The following HS6ST3 variants were observed in gnomAD, a reference collection of about 807,000 sequenced individuals.
HS6ST3 encodes the protein heparan-sulfate 6-O-sulfotransferase 3.
HS6ST3 carries 12 observed loss-of-function variants against 36.7 expected under a neutral mutation model. The observed-to-expected ratio is 0.33, with a 90% CI of 0.21 to 0.53. The LOEUF (loss-of-function observed/expected upper bound fraction) is 0.53, where lower values mean the gene tolerates loss of function less well. HS6ST3 is among the 20% of genes least tolerant of loss of function. The pLI, the probability that HS6ST3 is intolerant of heterozygous loss-of-function variation, is 0.95. For synonymous variants in HS6ST3, 240 were observed against 257.5 expected, an observed-to-expected ratio of 0.93 and a Z score of 0.65; for missense variants, 584 against 640.9, an observed-to-expected ratio of 0.91 and a Z score of 0.96.
intron 1 of HS6ST3, among the ~76,000 whole-genome samples, chr13:96,160,464 T>G (rs1389759152): frequency 6.6e-6 from 1 of 152,210 alleles, no homozygotes; most frequent in African/African-American, 2.4e-5. Flanking sequence ...GGTTATTTCC[T>G]TTAGGTAAAG....
At chr13:96,535,105 G>A (rs1029267284) in intron 1 of HS6ST3, among the ~76,000 whole-genome samples, 1 of 152,174 alleles carries the variant, frequency 6.6e-6, no homozygotes, top group East Asian at 1.9e-4. Context: ...TGTAGGCAGA[G>A]AGTCCTGAAT....
At chr13:96,225,191 C>A (rs1008002830) in intron 1 of HS6ST3, among the ~76,000 whole-genome samples, 2 of 152,170 alleles carry the variant, frequency 1.3e-5, no homozygotes, top group Non-Finnish European at 2.9e-5. Flanking sequence ...TATGCGAAGT[C>A]ATTTGAGAAG....
intron 1 of HS6ST3, among the ~76,000 whole-genome samples, chr13:96,829,079 C>A (rs1878711370): frequency 6.6e-6 from 1 of 152,086 alleles, no homozygotes; most frequent in South Asian, 2.1e-4. Context: ...CTCTTAGTTC[C>A]CAGAAACACT....
At chr13:96,559,016 A>G (rs2056251530) in intron 1 of HS6ST3, among the ~76,000 whole-genome samples, 1 of 152,140 alleles carries the variant, frequency 6.6e-6, no homozygotes, top group Non-Finnish European at 1.5e-5. Context: ...AAGCTCTGCT[A>G]GCATCAAACT....
At chr13:96,804,484 G>A (rs1219055175) in intron 1 of HS6ST3, among the ~76,000 whole-genome samples, 5 of 152,216 alleles carry the variant, frequency 3.3e-5, no homozygotes, top group South Asian at 2.1e-4. Flanking sequence ...TTTCTTACCC[G>A]ACAGATTAAT....
chr13:96,566,476 A>T (rs1192369893), intron 1 of HS6ST3, among the ~76,000 whole-genome samples: 1 of 152,152 alleles, frequency 6.6e-6, no homozygotes. Context: ...CATGACTCAA[A>T]TATTTGACTC....
In HS6ST3 at chr13:96,636,515, G is replaced by A. The variant is rs115304577; in HGVS notation, c.708-195975G>A. Among the ~76,000 whole-genome samples, 541 of 152,154 alleles carry A rather than the reference G, an allele frequency of 3.6e-3. 3 individuals are homozygous for A. Among genetic ancestry groups the A allele is most frequent in the African/African-American group, 0.013 (527 of 41,528 alleles). On this transcript the variant is annotated intron_variant, in intron 1 of 1. Transcript: ENST00000376705. ...AAGAGCAGCATGCCATTGGAGGTAG[G>A]GTCTGGGCAAATCAACTGATTTCTC...
intron 1 of HS6ST3, among the ~76,000 whole-genome samples, chr13:96,110,715 C>T (rs1017042494): frequency 3.3e-5 from 5 of 152,232 alleles, no homozygotes; most frequent in East Asian, 3.9e-4. Context: ...TGAGCCACCA[C>T]GCCTGGCCGG....
At chr13:96,572,116 C>G (rs1482577614) in intron 1 of HS6ST3, among the ~76,000 whole-genome samples, 1 of 152,130 alleles carries the variant, frequency 6.6e-6, no homozygotes, top group Non-Finnish European at 1.5e-5. Flanking sequence ...GTTCTAGGCT[C>G]GATAATTTAA....
At chr13:96,141,724 T>C (rs1246876120) in intron 1 of HS6ST3, among the ~76,000 whole-genome samples, 1 of 152,120 alleles carries the variant, frequency 6.6e-6, no homozygotes, top group African/African-American at 2.4e-5. Context: ...ATCGACTTGC[T>C]CCCATACTCA....
intron 1 of HS6ST3, among the ~76,000 whole-genome samples, chr13:96,758,905 C>T (rs767615471): frequency 6.6e-6 from 1 of 151,768 alleles, no homozygotes; most frequent in Non-Finnish European, 1.5e-5. Flanking sequence ...TAATCAATTA[C>T]TGAGAAAAAT....
At chr13:96,689,555 C>T (rs1308602170) in intron 1 of HS6ST3, among the ~76,000 whole-genome samples, 1 of 148,542 alleles carries the variant, frequency 6.7e-6, no homozygotes, top group African/African-American at 2.5e-5. Flanking sequence ...TAATTGGTTG[C>T]TTAGTCGTCA....
chr13:96,264,524 G>A (rs2054681938), intron 1 of HS6ST3, among the ~76,000 whole-genome samples: 1 of 152,148 alleles, frequency 6.6e-6, no homozygotes, highest in South Asian at 2.1e-4. Context: ...TGTATTTCTG[G>A]TACTACCAAA....
intron 1 of HS6ST3, among the ~76,000 whole-genome samples, chr13:96,374,406 A>G (rs1336935512): frequency 1.3e-5 from 2 of 152,116 alleles, no homozygotes; most frequent in African/African-American, 4.8e-5. Context: ...ACTTATGGTT[A>G]TCTTGGCTTG....
intron 1 of HS6ST3, among the ~76,000 whole-genome samples, chr13:96,709,989 C>T (rs77775674): frequency 0.014 from 2,115 of 152,254 alleles, 45 homozygotes; most frequent in African/African-American, 0.048. Context: ...GTGGCAGAGC[C>T]GTATTTGAAT....
At chr13:96,693,400 G>C (rs540832126) in intron 1 of HS6ST3, among the ~76,000 whole-genome samples, 1 of 152,140 alleles carries the variant, frequency 6.6e-6, no homozygotes, top group Non-Finnish European at 1.5e-5. Flanking sequence ...CACCTCCCGG[G>C]TTCAAGGAAT....
At chr13:96,211,425 G>A (rs991358684) in intron 1 of HS6ST3, among the ~76,000 whole-genome samples, 5 of 152,088 alleles carry the variant, frequency 3.3e-5, no homozygotes, top group African/African-American at 1.2e-4. Flanking sequence ...ATAACCCCAC[G>A]ACTACAATGT....
At chr13:96,508,191 A>G (rs572790444) in intron 1 of HS6ST3, among the ~76,000 whole-genome samples, 2 of 152,046 alleles carry the variant, frequency 1.3e-5, no homozygotes, top group Non-Finnish European at 2.9e-5. Flanking sequence ...GGTAATATTA[A>G]TCCCCACGGT....
intron 1 of HS6ST3, among the ~76,000 whole-genome samples, chr13:96,216,036 C>T (rs779799166): frequency 4.7e-4 from 71 of 152,192 alleles, no homozygotes; most frequent in Non-Finnish European, 9.3e-4. Flanking sequence ...GTTTCTGCCA[C>T]TTGCTTCCTG....
Sources: gnomAD v4.1 joint callset for allele counts (sites outside exome capture counted in the v4.1 genomes callset) on GRCh38, gnomAD v4.1.1 for gene constraint, MANE v1.5 for transcripts, NCBI Gene and HGNC (gene_info 2026-07-23, HGNC 2026-07-21) for gene names.